Variants in GRM6 observed in about 807,000 individuals in gnomAD.
GRM6 encodes glutamate metabotropic receptor 6.
Under a neutral mutation model 78.4 loss-of-function variants are expected in GRM6, and 73 were observed. That is an observed-to-expected ratio of 0.93 (90% CI 0.77 to 1.13). The LOEUF is 1.13. Ranked by LOEUF, GRM6 falls within the 50% of genes most tolerant of loss-of-function variation. The pLI is 0.00. For synonymous variants in GRM6, 580 were observed against 555.0 expected (o/e 1.05, Z -0.63); for missense variants, 1,251 against 1,256.4 (o/e 1.00, Z 0.07).
At chr5:178,983,649 G>T in intron 9 of GRM6, 1 of 361,194 alleles carries the variant, frequency 2.8e-6, no homozygotes, top group South Asian at 2.1e-5. Context: ...CGTGTACTGA[G>T]CTTCAAAATC....
In GRM6 at chr5:178,991,304, G is replaced by A. The variant is rs1760666714; in HGVS notation, c.857+120C>T. 2 of 1,015,120 alleles carry A rather than the reference G, an allele frequency of 2.0e-6. No individual in the cohort carries two copies. The highest frequency in any genetic ancestry group is 1.5e-6 in the Non-Finnish European group (1 of 646,608). 62.9% of individuals were successfully genotyped at this position (1,015,120 alleles called of 1,614,324 possible). A position where few individuals can be genotyped will look rare whatever the true frequency, so the allele number is the denominator to read the frequency against. On this transcript the variant is annotated intron_variant, in intron 4 of 10. Transcript: ENST00000517717. The surrounding 1 kb of genome is among the most constrained non-coding windows in gnomAD (Gnocchi z 5.0). ...TCAGAGGCAGCAGCAGGGAAGGTGG[G>A]GGGTGCGGGGAGCAGGGGAAAGGGA... is the stretch of plus-strand genomic sequence containing the variant.
At chr5:178,985,302 C>T (rs1033139440) in intron 9 of GRM6, 2 of 455,748 alleles carry the variant, frequency 4.4e-6, no homozygotes, top group African/African-American at 4.0e-5. Context: ...CCCACACTCC[C>T]CACCTGACTG....
rs1488186453 is a variant in GRM6 at position 178,992,446 on chromosome 5, C to T, written c.505-363G>A. 1 of 402,770 alleles carries T rather than the reference C, an allele frequency of 2.5e-6. No individual in the cohort carries two copies. Among genetic ancestry groups the T allele is most frequent in the Admixed American group, 3.1e-5 (1 of 32,314 alleles). 24.9% of individuals were successfully genotyped at this position (402,770 alleles called of 1,614,324 possible). A position where few individuals can be genotyped will look rare whatever the true frequency, so the allele number is the denominator to read the frequency against. ...TCCAGCTGCATCTGCCTGTCCTAGT[C>T]AGGCCCAGGGCAAAGCACGTTTTCT... On this transcript the variant is annotated intron_variant, in intron 2 of 10. Coordinates refer to ENST00000517717, the MANE Select transcript of GRM6 (RefSeq NM_000843.4). This position sits in a 1 kb window ranked among gnomAD's most constrained non-coding sequence, Gnocchi z 4.9.
Position 178,990,673 on chromosome 5 carries a change from C to T in GRM6, c.931G>A (p.Ala311Thr). ...AGGCTCAAGATGGGTGAGGTCTTGG[C>T]TCCCCAGCTGTCTGAGCCGACCCAC... ...FLWVGSDSWG[A>T]KTSPILSLED... is the part of the protein sequence containing the mutation. Residue 311 changes from alanine to threonine, a missense_variant, in exon 5 of 11, where the codon GCC becomes ACC. By Grantham distance (58) the Ala-to-Thr change is moderately conservative. Coordinates refer to ENST00000517717, the MANE Select transcript of GRM6 (RefSeq NM_000843.4). 6.8e-6 allele frequency: 11 copies of T among 1,607,406 alleles called. No individual in the cohort carries two copies. Among genetic ancestry groups the T allele is most frequent in the Non-Finnish European group, 9.3e-6 (11 of 1,177,502 alleles).
intron 9 of GRM6, among the ~76,000 whole-genome samples, chr5:178,984,028 C>G (rs1176407466): frequency 6.6e-6 from 1 of 152,174 alleles, no homozygotes; most frequent in Non-Finnish European, 1.5e-5. Flanking sequence ...AGTCATCTGC[C>G]CACCCAGAAG....
At position 178,981,965 on chromosome 5, in the gene GRM6, G is replaced by A. The variant is rs898073982; in HGVS notation, c.2437-111C>T. On this transcript the variant is annotated intron_variant, in intron 10 of 10. Transcript: ENST00000517717. The surrounding 1 kb of genome is among the most constrained non-coding windows in gnomAD (Gnocchi z 5.1). ...CTGAGTCTGTTTCAGTTGGGGAACT[G>A]GGAATGAGCACTTAGACCAGGACAA... is the stretch of plus-strand genomic sequence containing the variant. 12 of 823,636 alleles carry A rather than the reference G, an allele frequency of 1.5e-5. No homozygotes were observed. The highest frequency in any genetic ancestry group is 1.9e-5 in the Non-Finnish European group (9 of 466,920). The allele number at this position is 823,636 out of a possible 1,614,324, so 51.0% of individuals were successfully genotyped here.
In GRM6 at chr5:178,991,784, C is replaced by T. The variant is rs62638206; in HGVS notation, c.721+83G>A. The T allele has an allele frequency of 3.1e-5, 39 of 1,274,098 alleles. No homozygotes were observed. Among genetic ancestry groups the T allele is most frequent in the Non-Finnish European group, 4.2e-5 (37 of 883,966 alleles). The allele number at this position is 1,274,098 out of a possible 1,614,324, so 78.9% of individuals were successfully genotyped here. ...CTCGGCCCAGCATGGACCTGGGCCC[C>T]CCATCTTTCTGCTTCTGCCCCAACT... On this transcript the variant is annotated intron_variant, in intron 3 of 10. Coordinates refer to ENST00000517717, the MANE Select transcript of GRM6 (RefSeq NM_000843.4). The surrounding 1 kb of genome is among the most constrained non-coding windows in gnomAD (Gnocchi z 5.0).
Position 178,980,239 on chromosome 5 carries a change from T to A in GRM6, c.*1418A>T, listed in dbSNP as rs1760364476. 6.5e-6 allele frequency: 1 copy of A among 154,122 alleles called. No individual in the cohort carries two copies. Among genetic ancestry groups the A allele is most frequent in the Admixed American group, 6.6e-5 (1 of 15,266 alleles). 9.5% of individuals were successfully genotyped at this position (154,122 alleles called of 1,614,324 possible). A position where few individuals can be genotyped will look rare whatever the true frequency, so the allele number is the denominator to read the frequency against. On this transcript the variant is annotated 3_prime_UTR_variant, in exon 11 of 11. Coordinates refer to ENST00000517717, the MANE Select transcript of GRM6 (RefSeq NM_000843.4). The surrounding 1 kb of genome is among the most constrained non-coding windows in gnomAD (Gnocchi z 4.3). ...ACAGACTAGAGAATGTATACTGATCTTAAACAGTGGTCAATTTAACAAATG... is the reference window on the plus strand; with the variant it reads ...ACAGACTAGAGAATGTATACTGATCATAAACAGTGGTCAATTTAACAAATG...
chr5:178,986,052 G>C, intron 9 of GRM6, 78 bp downstream of exon 9: 1 of 1,362,702 alleles, frequency 7.3e-7, no homozygotes, highest in Non-Finnish European at 1.0e-6. Context: ...GTGTGCCACT[G>C]TGCCTGGCCC....
In GRM6 at chr5:178,983,188, G is replaced by A; in HGVS notation, c.2158C>T (p.Pro720Ser). 1.2e-6 allele frequency: 2 copies of A among 1,613,066 alleles called. No homozygotes were observed. The highest frequency in any genetic ancestry group is 1.7e-6 in the Non-Finnish European group (2 of 1,179,624). ...TCATAGTCAATCACGCTGTGTGGGG[G>A]CCGGGCCCCCAGCCATGCTATCATC... Reference protein sequence around the residue: ...VGMIAWLGARPPHSVIDYEEQ... With the variant: ...VGMIAWLGARSPHSVIDYEEQ... The change falls in exon 10 of 11, where the codon CCC (proline) becomes TCC (serine). Residue 720 changes from proline to serine, a missense_variant. By Grantham distance (74) the Pro-to-Ser change is moderately conservative. Transcript: ENST00000517717.
chr5:178,981,816 G>C lies in GRM6; in HGVS notation c.2475C>G (p.Ser825Arg). The change falls in exon 11 of 11, where the codon AGC becomes AGG. Residue 825 changes from serine to arginine, a missense_variant. Physicochemically the swap from Ser to Arg is moderately radical, Grantham distance 110. Coordinates refer to ENST00000517717, the MANE Select transcript of GRM6 (RefSeq NM_000843.4). The surrounding 1 kb of genome is among the most constrained non-coding windows in gnomAD (Gnocchi z 5.1). ...IQTTTLTVSL[S>R]LSASVSLGML... ...TGCCGAGGGACACCGAGGCACTCAG[G>C]CTCAAGGACACGGTTAGCGTGGTTG... The C allele has an allele frequency of 1.2e-6, 2 of 1,613,052 alleles. No individual in the cohort carries two copies. Among genetic ancestry groups the C allele is most frequent in the East Asian group, 2.2e-5 (1 of 44,868 alleles).
intron 10 of GRM6, among the ~76,000 whole-genome samples, chr5:178,982,222 CT>C (rs1420788864): frequency 1.3e-5 from 2 of 152,332 alleles, no homozygotes; most frequent in Admixed American, 6.5e-5. Context: ...ATAAAATATT[CT>C]GCCGCATACG....
At chr5:178,985,895 A>C in intron 9 of GRM6, 1 of 568,890 alleles carries the variant, frequency 1.8e-6, no homozygotes, top group Non-Finnish European at 3.2e-6. Flanking sequence ...CCAAGTAGCT[A>C]GGACTACAGG....
intron 9 of GRM6, chr5:178,985,827 TC>T: frequency 1.9e-6 from 1 of 531,358 alleles, no homozygotes; most frequent in African/African-American, 1.9e-5. Flanking sequence ...AGTGGTGCGA[TC>T]TTGGCTCACA....
In GRM6 at chr5:178,990,629, C is replaced by CTTTTGGG. The variant is rs1332228683; in HGVS notation, c.974_975insCCCAAAA (p.Ala326ProfsTer17). The stretch of plus-strand genomic sequence containing the variant: ...CCCTTTTGGGCAGGATGGTGATGGC[C>CTTTTGGG]CCAACGGCCACGTCCTCCAGGCTCA... On this transcript the variant is annotated frameshift_variant, in exon 5 of 11. Transcript: ENST00000517717. LOFTEE classifies it high-confidence loss of function. The CTTTTGGG allele has an allele frequency of 1.2e-6, 2 of 1,612,868 alleles. No individual in the cohort carries two copies. Among genetic ancestry groups the CTTTTGGG allele is most frequent in the Non-Finnish European group, 1.7e-6 (2 of 1,179,854 alleles).
intron 4 of GRM6, 87 bp from the exon 5 acceptor site, chr5:178,990,833 T>C: frequency 1.8e-6 from 2 of 1,084,346 alleles, no homozygotes; most frequent in Non-Finnish European, 2.6e-6. Context: ...CCATCTCCCC[T>C]GCTCTATAAT....
rs1760720935 is a variant in GRM6 at position 178,993,627 on chromosome 5, A to G, written c.504+814T>C. Among the ~76,000 whole-genome samples, 3 of 152,124 alleles carry G rather than the reference A, an allele frequency of 2.0e-5. No homozygotes were observed. The South Asian group carries it at 6.2e-4, about 32-fold the overall frequency. ...CCTTCACAGAGAGCCGGATGCACACAGGCCCCTCCCGCCACAGAACCCCAG... is the reference window on the plus strand; with the variant it reads ...CCTTCACAGAGAGCCGGATGCACACGGGCCCCTCCCGCCACAGAACCCCAG... On this transcript the variant is annotated intron_variant, in intron 2 of 10. Transcript: ENST00000517717.
rs145961728 is a variant in GRM6, at chr5:178,992,675, C to T, written c.505-592G>A. Among the ~76,000 whole-genome samples the T allele has an allele frequency of 9.5e-4, 144 of 151,956 alleles. No individual in the cohort carries two copies. Among genetic ancestry groups the T allele is most frequent in the African/African-American group, 3.1e-3 (127 of 41,412 alleles). ...TGACCGGGGAGTGTGGAGGCAGAGACACGGGGCTGAGAAGGCCGCCAAGAG... is the reference window on the plus strand; with the variant it reads ...TGACCGGGGAGTGTGGAGGCAGAGATACGGGGCTGAGAAGGCCGCCAAGAG... On this transcript the variant is annotated intron_variant, in intron 2 of 10. Coordinates refer to ENST00000517717, the MANE Select transcript of GRM6 (RefSeq NM_000843.4). The surrounding 1 kb of genome is among the most constrained non-coding windows in gnomAD (Gnocchi z 4.9).
rs2113334366 is a variant in GRM6 at position 178,988,375 on chromosome 5, G to T, written c.1354+560C>A. Among the ~76,000 whole-genome samples the T allele has an allele frequency of 6.6e-6, 1 of 152,310 alleles. No individual in the cohort carries two copies. Among genetic ancestry groups the T allele is most frequent in the South Asian group, 2.1e-4 (1 of 4,822 alleles). On this transcript the variant is annotated intron_variant, in intron 7 of 10. Transcript: ENST00000517717. The surrounding 1 kb of genome is among the most constrained non-coding windows in gnomAD (Gnocchi z 6.0). ...GTGTTCAGTGGAAGAGCGGAGTTTT[G>T]AATTGTGTAAAGGATAGTGATTGAA...
Sources: allele counts gnomAD v4.1 joint callset (sites outside exome capture counted in the v4.1 genomes callset), GRCh38; gene constraint gnomAD v4.1.1; non-coding constraint Gnocchi (gnomAD v3.1); transcripts MANE v1.5; gene names NCBI Gene and HGNC (gene_info 2026-07-23, HGNC 2026-07-21).